PLA2R1: variants seen among roughly 807,000 people sequenced by gnomAD.
PLA2R1 encodes the protein phospholipase A2 receptor 1, also known as secretory phospholipase A2 receptor.
A neutral mutation model predicts 195.9 loss-of-function variants in PLA2R1; 158 were observed. The observed-to-expected ratio is 0.81, with a 90% CI of 0.71 to 0.92. The LOEUF is 0.92. Ranked by LOEUF, PLA2R1 falls within the 40% of genes least tolerant of loss-of-function variation. The pLI is 0.00. For missense variants in PLA2R1, 1,626 were observed against 1,764.6 expected, an observed-to-expected ratio of 0.92 and a Z score of 1.41; for synonymous variants, 586 against 598.2, an observed-to-expected ratio of 0.98 and a Z score of 0.30.
intron 7 of PLA2R1, among the ~76,000 whole-genome samples, chr2:160,020,681 A>G (rs573233715): frequency 6.6e-6 from 1 of 152,194 alleles, no homozygotes; most frequent in Non-Finnish European, 1.5e-5. Context: ...GCCCTGTGCC[A>G]CCATGGGACT....
Position 159,946,499 on chromosome 2 carries a change from G to C in PLA2R1, c.3967+302C>G, listed in dbSNP as rs529401669. 9.6e-6 allele frequency: 10 copies of C among 1,041,764 alleles called. No homozygotes were observed. The East Asian group carries it at 7.7e-4, about 80-fold the overall frequency. The allele number at this position is 1,041,764 out of a possible 1,614,324, so 64.5% of individuals were successfully genotyped here. ...CCTGGGATATTTTCCAGTAAATATG[G>C]TTTTGGTATGCAATGACTAAGTCTG... On this transcript the variant is annotated intron_variant, in intron 27 of 29. Transcript: ENST00000283243.
intron 19 of PLA2R1, 53 bp downstream of exon 19, chr2:159,969,202 TC>T: frequency 2.4e-6 from 2 of 838,178 alleles, no homozygotes; most frequent in Admixed American, 2.0e-5. Flanking sequence ...ACTTTAAGCC[TC>T]CTGAAAATTA....
Position 160,028,275 on chromosome 2 carries a change from A to C in PLA2R1, c.1042T>G (p.Ser348Ala), listed in dbSNP as rs1482913144. 6.2e-7 allele frequency: 1 copy of C among 1,603,986 alleles called. No homozygotes were observed. The highest frequency in any genetic ancestry group is 2.2e-5 in the East Asian group (1 of 44,776). The part of the protein sequence containing the change: ...PSAWRSRDCE[S>A]TLPYICKKYL... Reference sequence around the variant, plus strand: ...TTTTTACATATATATGGCAAGGTGGACTCACAATCCCGACTCCTCCAGGCA... The same window carrying C: ...TTTTTACATATATATGGCAAGGTGGCCTCACAATCCCGACTCCTCCAGGCA... The change falls in exon 6 of 30, where the codon TCC becomes GCC. Residue 348 changes from serine (S) to alanine (A), a missense_variant. Ser to Ala is a moderately conservative substitution (Grantham distance 99, BLOSUM62 1). Transcript: ENST00000283243.
At position 159,933,201 on chromosome 2, in the gene PLA2R1, T is replaced by C. The variant is rs578246300; in HGVS notation, c.*8577A>G. 3.3e-5 allele frequency: 5 copies of C among 152,316 alleles called. No individual in the cohort carries two copies. The East Asian group carries it at 7.7e-4, about 24-fold the overall frequency. 9.4% of individuals were successfully genotyped at this position (152,316 alleles called of 1,614,324 possible). A position where few individuals can be genotyped will look rare whatever the true frequency, so the allele number is the denominator to read the frequency against. ...AGAAACAAGTGCTTGTGTTAATTAA[T>C]TCTGAGTAAAGAAGGTCACCGGTAT... On this transcript the variant is annotated 3_prime_UTR_variant, in exon 30 of 30. Coordinates refer to ENST00000283243, the MANE Select transcript of PLA2R1 (RefSeq NM_007366.5).
intron 18 of PLA2R1, 99 bp downstream of exon 18, chr2:159,970,049 G>A (rs1160802696): frequency 4.0e-6 from 3 of 741,816 alleles, no homozygotes; most frequent in African/African-American, 3.5e-5. Flanking sequence ...GTTAATGTTT[G>A]AAGGGTATTC....
intron 10 of PLA2R1, among the ~76,000 whole-genome samples, chr2:160,009,109 A>G (rs961371300): frequency 3.3e-5 from 5 of 152,248 alleles, no homozygotes; most frequent in Non-Finnish European, 7.3e-5. Context: ...TACTGGTGGG[A>G]ATGGAAAATG....
chr2:159,946,539 C>A, intron 27 of PLA2R1: 1 of 1,123,082 alleles, frequency 8.9e-7, no homozygotes, highest in Non-Finnish European at 1.1e-6. Flanking sequence ...CACAAAGTTC[C>A]AGCCAAGCAT....
At chr2:159,966,754 G>C (rs1688815178) in intron 20 of PLA2R1, among the ~76,000 whole-genome samples, 1 of 152,106 alleles carries the variant, frequency 6.6e-6, no homozygotes, top group Non-Finnish European at 1.5e-5. Flanking sequence ...CATATGAAAT[G>C]ATGACACAGT....
intron 2 of PLA2R1, among the ~76,000 whole-genome samples, chr2:160,042,430 T>C (rs1053876556): frequency 4.6e-5 from 7 of 152,202 alleles, no homozygotes; most frequent in African/African-American, 1.7e-4. Flanking sequence ...TATCTACTTG[T>C]TTACTTACTA....
In PLA2R1 at chr2:159,978,575, T is replaced by C. The variant is rs535415895; in HGVS notation, c.2269-1159A>G. Among the ~76,000 whole-genome samples the C allele has an allele frequency of 7.2e-4, 110 of 152,300 alleles. 2 individuals carry two copies. In the South Asian group the frequency reaches 0.022, roughly 31 times the overall value. On this transcript the variant is annotated intron_variant, in intron 14 of 29. Coordinates refer to ENST00000283243, the MANE Select transcript of PLA2R1 (RefSeq NM_007366.5). ...CCTATTACTAATGAGTTTGTTATACTAAAACAAAAGAAAGTGTTCTCAACT... is the reference window on the plus strand; with the variant it reads ...CCTATTACTAATGAGTTTGTTATACCAAAACAAAAGAAAGTGTTCTCAACT...
At chr2:159,954,576 CA>C (rs1316200849) in intron 23 of PLA2R1, among the ~76,000 whole-genome samples, 2 of 151,236 alleles carry the variant, frequency 1.3e-5, no homozygotes, top group Admixed American at 1.3e-4. Flanking sequence ...CTCTAGACAC[CA>C]ACTATGGCTT....
chr2:160,025,999 C>T (rs2666991), intron 6 of PLA2R1, among the ~76,000 whole-genome samples: 152,246 of 152,332 alleles, frequency 1, 76,085 homozygotes, highest in Non-Finnish European at 1. Flanking sequence ...GATAAATGAG[C>T]AGACTATAGT....
intron 3 of PLA2R1, among the ~76,000 whole-genome samples, chr2:160,040,854 T>C (rs1386492659): frequency 6.6e-6 from 1 of 152,238 alleles, no homozygotes; most frequent in Non-Finnish European, 1.5e-5. Flanking sequence ...CTGCTGCTTC[T>C]GGCTGCAATG....
intron 9 of PLA2R1, among the ~76,000 whole-genome samples, chr2:160,016,173 C>T (rs113432835): frequency 1.3e-4 from 20 of 148,408 alleles, no homozygotes; most frequent in Admixed American, 4.1e-4. Context: ...CTGAGGCATG[C>T]GAATTGCTTG....
downstream of PLA2R1, among the ~76,000 whole-genome samples, chr2:159,929,999 C>T (rs573776530): frequency 7.9e-5 from 12 of 151,972 alleles, no homozygotes; most frequent in South Asian, 2.1e-4. Flanking sequence ...AACCAAACGT[C>T]GTATGTTCTC....
intron 27 of PLA2R1, 40 bp downstream of exon 27, chr2:159,946,761 T>A: frequency 6.4e-7 from 1 of 1,553,830 alleles, no homozygotes. Context: ...TTAACAACCA[T>A]GTATTTATTT....
chr2:159,981,021 A>G (rs1042807711), intron 13 of PLA2R1, among the ~76,000 whole-genome samples: 4 of 152,152 alleles, frequency 2.6e-5, no homozygotes, highest in Non-Finnish European at 5.9e-5. Context: ...AGCCAAGCAC[A>G]TTAATCTCGA....
In PLA2R1 at chr2:159,948,295, C is replaced by T. The variant is rs61481003; in HGVS notation, c.3710-736G>A. Among the ~76,000 whole-genome samples the T allele has an allele frequency of 5.6e-3, 851 of 152,260 alleles. 8 individuals are homozygous for T. Among genetic ancestry groups the T allele is most frequent in the African/African-American group, 0.019 (797 of 41,546 alleles). ...TGTCACCTAGGCTGAAGTGCAGTGG[C>T]ACAATCACAGCTCACTGCAGCCTCA... On this transcript the variant is annotated intron_variant, in intron 25 of 29. Transcript: ENST00000283243.
chr2:159,965,944 C>T (rs115157300), intron 20 of PLA2R1, among the ~76,000 whole-genome samples: 3,822 of 152,220 alleles, frequency 0.025, 139 homozygotes, highest in African/African-American at 0.086. Context: ...AGGGGCAAGA[C>T]CACCAGACTC....
Sources: gnomAD v4.1 joint callset for allele counts (sites outside exome capture counted in the v4.1 genomes callset) on GRCh38, gnomAD v4.1.1 for gene constraint, MANE v1.5 for transcripts, NCBI Gene and HGNC (gene_info 2026-07-23, HGNC 2026-07-21) for gene names.